Variants in COL4A3 observed in about 807,000 individuals in gnomAD.
COL4A3 encodes collagen type IV alpha 3 chain, also known as collagen alpha-3(IV) chain.
In COL4A3, 135 loss-of-function variants were observed where a neutral mutation model predicts 217.4. The observed-to-expected ratio is 0.62, with a 90% CI of 0.54 to 0.72. COL4A3 has a LOEUF of 0.72. Among genes scored for constraint, COL4A3 ranks in the 30% least tolerant of loss-of-function variants. The probability of loss-of-function intolerance (pLI) is 0.00; values close to 1 mark genes in which losing one functional copy is unlikely to be tolerated. For missense variants in COL4A3, 1,868 were observed against 2,119.9 expected (o/e 0.88, Z 2.33); for synonymous variants, 690 against 736.3 (o/e 0.94, Z 1.02).
intron 1 of COL4A3, among the ~76,000 whole-genome samples, chr2:227,230,481 G>A (rs2068342813): frequency 6.6e-6 from 1 of 152,160 alleles, no homozygotes; most frequent in Admixed American, 6.5e-5. Context: ...TGTTGCTTAA[G>A]AAATATCCAT....
chr2:227,179,336 TATATG>T (rs2065796660), intron 1 of COL4A3, among the ~76,000 whole-genome samples: 2 of 152,308 alleles, frequency 1.3e-5, no homozygotes, highest in South Asian at 2.1e-4. Context: ...AATTAAGTAA[TATATG>T]AGATAAATTT....
chr2:227,227,238 A>C (rs745731405), intron 1 of COL4A3, among the ~76,000 whole-genome samples: 5 of 152,138 alleles, frequency 3.3e-5, no homozygotes, highest in Non-Finnish European at 7.4e-5. Flanking sequence ...GCACAGTGAT[A>C]GGGTGAGAGG....
chr2:227,234,302 G>C (rs938180558), intron 1 of COL4A3, among the ~76,000 whole-genome samples: 3 of 152,300 alleles, frequency 2.0e-5, no homozygotes, highest in Non-Finnish European at 4.4e-5. Flanking sequence ...GCTCTTCTGA[G>C]GGTTGGGTTT....
chr2:227,246,210 G>A, intron 6 of COL4A3, 194 bp downstream of exon 6: 2 of 627,612 alleles, frequency 3.2e-6, no homozygotes, highest in Non-Finnish European at 5.7e-6. Flanking sequence ...GTCTTTTAAG[G>A]AAAGTTCTCC....
chr2:227,231,582 A>G (rs1262234512), intron 1 of COL4A3, among the ~76,000 whole-genome samples: 2 of 151,936 alleles, frequency 1.3e-5, no homozygotes, highest in Non-Finnish European at 2.9e-5. Flanking sequence ...GTGCAATGGC[A>G]TGATCTTGGC....
chr2:227,298,768 G>C lies in COL4A3; in HGVS notation c.3838G>C (p.Gly1280Arg). ...GTCTATGGGCCACCCTGGCCCAAAA[G>C]GTCCACCTGGAACTGCAGGAGACAT... Reference protein sequence around the residue: ...KGSMGHPGPKGPPGTAGDMGP... With the variant: ...KGSMGHPGPKRPPGTAGDMGP... The change falls in exon 43 of 52, where the codon GGT becomes CGT. Residue 1280 changes from glycine to arginine, a missense_variant. This residue lies in a region of COL4A3 where 1,503 missense variants were observed against 1,786.1 expected (regional missense o/e 0.84). Coordinates refer to ENST00000396578, the MANE Select transcript of COL4A3 (RefSeq NM_000091.5). 6.2e-7 allele frequency: 1 copy of C among 1,614,020 alleles called. No individual in the cohort carries two copies. Among genetic ancestry groups the C allele is most frequent in the Non-Finnish European group, 8.5e-7 (1 of 1,180,000 alleles).
intron 1 of COL4A3, among the ~76,000 whole-genome samples, chr2:227,189,918 C>T (rs1184889621): frequency 2.0e-5 from 3 of 152,092 alleles, no homozygotes; most frequent in African/African-American, 7.2e-5. Context: ...TGAAGACAAG[C>T]CATTTCTACC....
rs1202024408 is a variant in COL4A3 at position 227,276,402 on chromosome 2, A to G, written c.1945A>G (p.Ser649Gly). Residue 649 changes from serine to glycine, a missense_variant, in exon 27 of 52, where the codon AGT (serine) becomes GGT (glycine). By Grantham distance (56) the Ser-to-Gly change is moderately conservative. Coordinates refer to ENST00000396578, the MANE Select transcript of COL4A3 (RefSeq NM_000091.5). ...TCCTTAAGGCCCTAGGGGAGAGCTC[A>G]GTGTTTCAACACCAGTTCCAGGCCC... ...PGEAGPRGEL[S>G]VSTPVPGPPG... 1 of 1,614,012 alleles carries G rather than the reference A, an allele frequency of 6.2e-7. No homozygotes were observed. Among genetic ancestry groups the G allele is most frequent in the African/African-American group, 1.3e-5 (1 of 74,934 alleles).
chr2:227,190,336 T>C (rs1397287656), intron 1 of COL4A3, among the ~76,000 whole-genome samples: 1 of 152,204 alleles, frequency 6.6e-6, no homozygotes, highest in African/African-American at 2.4e-5. Flanking sequence ...AAACATGCCT[T>C]GAATTCCATT....
chr2:227,207,802 G>T (rs752106224), intron 1 of COL4A3, among the ~76,000 whole-genome samples: 2 of 152,206 alleles, frequency 1.3e-5, no homozygotes, highest in Admixed American at 1.3e-4. Context: ...GTCCCCTGGT[G>T]GGGGAGAGTT....
chr2:227,247,477 A>G, intron 7 of COL4A3, 81 bp from the exon 8 acceptor site: 1 of 1,336,824 alleles, frequency 7.5e-7, no homozygotes. Flanking sequence ...GATACACAAT[A>G]GCAGAGAGGG....
At chr2:227,298,279 G>C (rs1199195983) in intron 42 of COL4A3, among the ~76,000 whole-genome samples, 1 of 152,180 alleles carries the variant, frequency 6.6e-6, no homozygotes, top group Non-Finnish European at 1.5e-5. Flanking sequence ...TTAAACCTGG[G>C]AGGCAGAGGC....
At chr2:227,185,189 A>C (rs112230294) in intron 1 of COL4A3, among the ~76,000 whole-genome samples, 25,896 of 152,000 alleles carry the variant, frequency 0.17, 2,381 homozygotes, top group Admixed American at 0.25. Flanking sequence ...CGTGAGCCAC[A>C]GCGCCCGGCC....
At position 227,290,066 on chromosome 2, in the gene COL4A3, C is replaced by T. The variant is rs1351602579; in HGVS notation, c.3048C>T (p.Ser1016=). Residue 1016 remains serine, a synonymous_variant, in exon 36 of 52, where the codon AGC becomes AGT. Coordinates refer to ENST00000396578, the MANE Select transcript of COL4A3 (RefSeq NM_000091.5). ...GEPGLRGIPG[S]MGNMGMPGSK... ...CAGGACTGCGTGGTATACCAGGAAG[C>T]ATGGGGAACATGGGCATGCCAGGTA... 6.2e-7 allele frequency: 1 copy of T among 1,614,052 alleles called. No homozygotes were observed. The highest frequency in any genetic ancestry group is 8.5e-7 in the Non-Finnish European group (1 of 1,180,028).
chr2:227,207,636 C>G (rs2067151308), intron 1 of COL4A3, among the ~76,000 whole-genome samples: 3 of 152,194 alleles, frequency 2.0e-5, no homozygotes. Flanking sequence ...GTTAGGGGTT[C>G]ACATACGCAC....
At chr2:227,177,316 AT>A (rs113238169) in intron 1 of COL4A3, among the ~76,000 whole-genome samples, 7,585 of 146,200 alleles carry the variant, frequency 0.052, 245 homozygotes, top group Admixed American at 0.086. Context: ...CTCCCGGCTA[AT>A]TTTTTTTTTT....
chr2:227,311,492 G>A (rs902855233), intron 51 of COL4A3, among the ~76,000 whole-genome samples: 1 of 151,602 alleles, frequency 6.6e-6, no homozygotes, highest in South Asian at 2.1e-4. Flanking sequence ...TGATTCTCCT[G>A]CCTCAGCCTC....
At position 227,249,230 on chromosome 2, in the gene COL4A3, A is replaced by ATATT; in HGVS notation, c.546+711_546+712insATTT. ...TTAGCTAGTATATATATATATATAT[A>ATATT]TTTTTTTTTTTTTTTTTTTTTTTGA... On this transcript the variant is annotated intron_variant, in intron 9 of 51. Coordinates refer to ENST00000396578, the MANE Select transcript of COL4A3 (RefSeq NM_000091.5). Among the ~76,000 whole-genome samples, 32 of 14,694 alleles carry ATATT rather than the reference A, an allele frequency of 2.2e-3. 3 individuals carry two copies. Among genetic ancestry groups the ATATT allele is most frequent in the Non-Finnish European group, 3.4e-3 (27 of 8,026 alleles). The allele number at this position is 14,694 out of a possible 152,430, so 9.6% of individuals were successfully genotyped here.
At chr2:227,289,513 TC>T (rs1297268819) in intron 35 of COL4A3, among the ~76,000 whole-genome samples, 1 of 152,228 alleles carries the variant, frequency 6.6e-6, no homozygotes, top group Non-Finnish European at 1.5e-5. Context: ...TTATAATGTA[TC>T]ACTATATCAC....
Sources: allele counts gnomAD v4.1 joint callset (sites outside exome capture counted in the v4.1 genomes callset), GRCh38; gene constraint gnomAD v4.1.1; regional missense constraint gnomAD v4.1.1; transcripts MANE v1.5; gene names NCBI Gene and HGNC (gene_info 2026-07-23, HGNC 2026-07-21).